The following OSBP2 variants were observed in gnomAD, a reference collection of about 807,000 sequenced individuals.
OSBP2 encodes the protein oxysterol binding protein 2, also known as oxysterol-binding protein 2.
A neutral mutation model predicts 96.0 loss-of-function variants in OSBP2; 66 were observed. That is an observed-to-expected ratio of 0.69 (90% confidence interval 0.56 to 0.84). The LOEUF (loss-of-function observed/expected upper bound fraction) is 0.84. OSBP2 is among the 40% of genes least tolerant of loss of function. The pLI is 0.00. For missense variants in OSBP2, 1,038 were observed against 1,222.7 expected (o/e 0.85, Z 2.25); for synonymous variants, 525 against 520.9 (o/e 1.01, Z -0.11).
At chr22:30,722,909 G>A (rs1202623561) in intron 1 of OSBP2, among the ~76,000 whole-genome samples, 9 of 150,020 alleles carry the variant, frequency 6.0e-5, no homozygotes, top group Admixed American at 2.0e-4. Context: ...CTAGCTCTCC[G>A]AAGAGCTGGG....
chr22:30,860,786 C>T (rs891218536), intron 2 of OSBP2, among the ~76,000 whole-genome samples: 1 of 152,130 alleles, frequency 6.6e-6, no homozygotes, highest in Non-Finnish European at 1.5e-5. Flanking sequence ...GGTGTTCTGC[C>T]GGCTGGAGGA....
At chr22:30,893,375 C>T in intron 9 of OSBP2, 88 bp from the exon 10 acceptor site, 1 of 1,539,736 alleles carries the variant, frequency 6.5e-7, no homozygotes, top group South Asian at 1.1e-5. Context: ...AACCCCCCAG[C>T]CTAGTTCTCA....
chr22:30,857,697 G>T (rs2039106803), intron 2 of OSBP2, among the ~76,000 whole-genome samples: 1 of 152,232 alleles, frequency 6.6e-6, no homozygotes, highest in African/African-American at 2.4e-5. Flanking sequence ...AAGACTGAAG[G>T]TTAAGATGTT....
chr22:30,895,677 G>A (rs903133546), intron 12 of OSBP2, among the ~76,000 whole-genome samples: 6 of 152,100 alleles, frequency 3.9e-5, no homozygotes, highest in African/African-American at 7.2e-5. Context: ...GGTGGCTCAC[G>A]CCTGTAATCC....
At chr22:30,829,608 C>T (rs920800279) in intron 2 of OSBP2, among the ~76,000 whole-genome samples, 2 of 152,222 alleles carry the variant, frequency 1.3e-5, no homozygotes, top group Admixed American at 6.5e-5. Context: ...GCGTGAGCCA[C>T]CACGCCGGGC....
chr22:30,721,272 C>G lies in OSBP2; in HGVS notation c.645-19889C>G, dbSNP rs1048476200. On this transcript the variant is annotated intron_variant, in intron 1 of 13. Coordinates refer to ENST00000332585, the MANE Select transcript of OSBP2 (RefSeq NM_030758.4). The stretch of plus-strand genomic sequence containing the variant: ...ACAAAACAAAAAAACAACAAACAAA[C>G]AAACCCAAAAGACAAATGGTGCATG... Among the ~76,000 whole-genome samples, 4 of 152,022 alleles carry G rather than the reference C, an allele frequency of 2.6e-5. No homozygotes were observed. The East Asian group carries it at 5.8e-4, about 22-fold the overall frequency.
At chr22:30,767,035 G>A (rs1418236396) in intron 2 of OSBP2, among the ~76,000 whole-genome samples, 1 of 149,306 alleles carries the variant, frequency 6.7e-6, no homozygotes, top group African/African-American at 2.5e-5. Context: ...TTGGGCTTAA[G>A]GATGCTACAA....
At chr22:30,822,014 G>A (rs1220717072) in intron 2 of OSBP2, among the ~76,000 whole-genome samples, 1 of 152,246 alleles carries the variant, frequency 6.6e-6, no homozygotes, top group Non-Finnish European at 1.5e-5. Context: ...AGAACTAAGG[G>A]AGCCCAGCTC....
chr22:30,901,217 C>T (rs568767968), intron 12 of OSBP2, among the ~76,000 whole-genome samples: 10 of 151,964 alleles, frequency 6.6e-5, no homozygotes, highest in Non-Finnish European at 1.0e-4. Context: ...TACAGGTGTG[C>T]GCCACCACGC....
chr22:30,774,720 C>A (rs2090406087), intron 2 of OSBP2, among the ~76,000 whole-genome samples: 1 of 152,294 alleles, frequency 6.6e-6, no homozygotes, highest in East Asian at 1.9e-4. Context: ...GGTTTTATAA[C>A]TGACTCATTA....
At chr22:30,765,241 G>C (rs900280384) in intron 2 of OSBP2, among the ~76,000 whole-genome samples, 1 of 151,622 alleles carries the variant, frequency 6.6e-6, no homozygotes, top group Non-Finnish European at 1.5e-5. Context: ...ATGGAGTCTT[G>C]CTCTGTTGCC....
chr22:30,897,311 G>A (rs1360610087), intron 12 of OSBP2, among the ~76,000 whole-genome samples: 2 of 152,146 alleles, frequency 1.3e-5, no homozygotes, highest in Non-Finnish European at 2.9e-5. Context: ...TTGTTGATAG[G>A]TCAAATGGAA....
chr22:30,729,776 C>T (rs182776746), intron 1 of OSBP2, among the ~76,000 whole-genome samples: 94 of 151,836 alleles, frequency 6.2e-4, no homozygotes, highest in Non-Finnish European at 1.2e-4. Flanking sequence ...GAGGCCGAGG[C>T]AGGTGGATCA....
intron 2 of OSBP2, among the ~76,000 whole-genome samples, chr22:30,775,914 A>T (rs1027191103): frequency 1.1e-4 from 16 of 151,548 alleles, no homozygotes; most frequent in Admixed American, 9.2e-4. Flanking sequence ...CTCCTGACTC[A>T]GCCTCCCGAG....
chr22:30,846,231 C>G (rs2038867855), intron 2 of OSBP2, among the ~76,000 whole-genome samples: 1 of 152,100 alleles, frequency 6.6e-6, no homozygotes, highest in African/African-American at 2.4e-5. Context: ...ACTGCAACCT[C>G]TGCCTCCCAG....
chr22:30,901,849 T>A (rs2040202872), intron 12 of OSBP2, among the ~76,000 whole-genome samples: 1 of 151,752 alleles, frequency 6.6e-6, no homozygotes, highest in South Asian at 2.1e-4. Flanking sequence ...GGACGACGAG[T>A]GAAATTCTGT....
chr22:30,772,195 TC>T (rs1489432240), intron 2 of OSBP2, among the ~76,000 whole-genome samples: 1 of 152,202 alleles, frequency 6.6e-6, no homozygotes, highest in African/African-American at 2.4e-5. Flanking sequence ...AAGTTGGGAC[TC>T]CCGTGGGTGA....
At chr22:30,782,793 G>A (rs2145810619) in intron 2 of OSBP2, among the ~76,000 whole-genome samples, 1 of 152,212 alleles carries the variant, frequency 6.6e-6, no homozygotes, top group African/African-American at 2.4e-5. Flanking sequence ...GAATAGAATG[G>A]CTGACTCAGG....
chr22:30,800,462 T>G (rs2090834083), intron 2 of OSBP2, among the ~76,000 whole-genome samples: 3 of 152,054 alleles, frequency 2.0e-5, no homozygotes, highest in Admixed American at 2.0e-4. Flanking sequence ...AGAGAACACC[T>G]GAGAGAGCAA....
Sources: allele counts gnomAD v4.1 joint callset (sites outside exome capture counted in the v4.1 genomes callset), GRCh38; gene constraint gnomAD v4.1.1; transcripts MANE v1.5; gene names NCBI Gene and HGNC (gene_info 2026-07-23, HGNC 2026-07-21).